Variants in FKBP11 observed in about 807,000 individuals in gnomAD.
FKBP11 encodes peptidyl-prolyl cis-trans isomerase FKBP11.
Under a neutral mutation model 24.7 loss-of-function variants are expected in FKBP11, and 21 were observed. That is an observed-to-expected ratio of 0.85 (90% confidence interval 0.60 to 1.23). The LOEUF (loss-of-function observed/expected upper bound fraction) is 1.23, where lower values mean the gene tolerates loss of function less well. FKBP11 is among the 50% of genes most tolerant of loss of function. FKBP11 has a pLI of 0.00. For synonymous variants in FKBP11, 106 were observed against 100.6 expected, an observed-to-expected ratio of 1.05 and a Z score of -0.32; for missense variants, 245 against 248.7, an observed-to-expected ratio of 0.99 and a Z score of 0.10.
the FKBP11 span, among the ~76,000 whole-genome samples, chr12:48,932,868 T>C: frequency 5.9e-5 from 9 of 152,120 alleles, no homozygotes; most frequent in South Asian, 2.1e-4. Flanking sequence ...TCAATATGCC[T>C]GGTTTGTGAG....
rs1290587161 is a variant in FKBP11 at position 48,925,397 on chromosome 12, T to C, written c.32A>G (p.His11Arg). Residue 11 changes from histidine (H) to arginine (R), a missense_variant, in exon 1 of 6, where the codon CAT (histidine) becomes CGT (arginine). Physicochemically the swap from His to Arg is conservative, Grantham distance 29. Coordinates refer to ENST00000550765, the MANE Select transcript of FKBP11 (RefSeq NM_016594.3). The part of the protein sequence containing the change: MTLRPSLLPL[H>R]LLLLLLLSAA... ...ACTGAGCAGCAGCAGCAGCAGCAGA[T>C]GGAGCGGGAGGAGTGAGGGGCGCAG... 1 of 1,588,164 alleles carries C rather than the reference T, an allele frequency of 6.3e-7. No individual in the cohort carries two copies. Among genetic ancestry groups the C allele is most frequent in the Admixed American group, 1.8e-5 (1 of 54,700 alleles).
chr12:48,933,137 C>T, the FKBP11 span, among the ~76,000 whole-genome samples: 1 of 152,232 alleles, frequency 6.6e-6, no homozygotes, highest in Non-Finnish European at 1.5e-5. Flanking sequence ...CCACTGCCTT[C>T]GGTGGCTTTG....
At chr12:48,927,087 C>T (rs963823350), upstream of FKBP11, among the ~76,000 whole-genome samples, 1 of 152,224 alleles carries the variant, frequency 6.6e-6, no homozygotes, top group Non-Finnish European at 1.5e-5. Context: ...GGATTACAGG[C>T]GTGAGCCAAT....
At chr12:48,938,038 G>C in the FKBP11 span, 1 of 182,730 alleles carries the variant, frequency 5.5e-6, no homozygotes, top group Admixed American at 5.6e-5. Context: ...AGCTCCAGAG[G>C]AACAGATCTG....
intron 2 of FKBP11, 51 bp from the exon 3 acceptor site, chr12:48,924,699 G>A: frequency 6.3e-7 from 1 of 1,595,600 alleles, no homozygotes; most frequent in Non-Finnish European, 8.6e-7. Context: ...CTCCCTCCCA[G>A]CAGGCGCGCA....
chr12:48,922,715 TG>T, intron 5 of FKBP11: 4 of 993,250 alleles, frequency 4.0e-6, no homozygotes, highest in Non-Finnish European at 4.8e-6. Context: ...AAGGGGCAGG[TG>T]GAACAGAAAT....
intron 5 of FKBP11, chr12:48,923,286 T>C: frequency 2.1e-6 from 3 of 1,400,454 alleles, no homozygotes; most frequent in Non-Finnish European, 2.8e-6. Flanking sequence ...AAAATAGACA[T>C]CGGCAGTGAC....
At chr12:48,923,454 G>C in intron 5 of FKBP11, 7 of 1,548,084 alleles carry the variant, frequency 4.5e-6, no homozygotes, top group Non-Finnish European at 6.1e-6. Flanking sequence ...ACAGCGTAGA[G>C]TTGTAGAAAA....
At chr12:48,938,847 C>T in the FKBP11 span, 1 of 1,479,170 alleles carries the variant, frequency 6.8e-7, no homozygotes, top group South Asian at 1.3e-5. Flanking sequence ...TACCCAGGGC[C>T]CTGGCCACAC....
At chr12:48,924,040 A>G in intron 4 of FKBP11, 183 bp downstream of exon 4, 1 of 885,080 alleles carries the variant, frequency 1.1e-6, no homozygotes. Context: ...TCCCCCGACA[A>G]AAGCAACAGC....
chr12:48,922,051 G>T lies in FKBP11; in HGVS notation c.539C>A (p.Ala180Asp), dbSNP rs1452479794. 6.2e-7 allele frequency: 1 copy of T among 1,613,590 alleles called. No homozygotes were observed. The highest frequency in any genetic ancestry group is 1.6e-4 in the Middle Eastern group (1 of 6,084). The part of the protein sequence containing the change: ...GLIGYHLYRK[A>D]NRPKVSKKKL... Reference sequence around the variant, plus strand: ...CTTTTTGGAGACTTTGGGTCTATTGGCCTTTCTGTATAGGTGATACCCAAT... The same window carrying T: ...CTTTTTGGAGACTTTGGGTCTATTGTCCTTTCTGTATAGGTGATACCCAAT... The change falls in exon 6 of 6, where the codon GCC (alanine) becomes GAC (aspartate). Residue 180 changes from alanine (A) to aspartate (D), a missense_variant. By Grantham distance (126) the Ala-to-Asp change is moderately radical. Transcript: ENST00000550765.
At chr12:48,931,327 A>C (rs186844792), upstream of FKBP11, 529 of 1,191,554 alleles carry the variant, frequency 4.4e-4, 4 homozygotes, top group East Asian at 6.3e-3. Context: ...CTGTTCAGGA[A>C]CCTGAAGGGG....
chr12:48,938,275 G>A, the FKBP11 span: 3 of 407,636 alleles, frequency 7.4e-6, no homozygotes, highest in Non-Finnish European at 1.5e-5. Context: ...TACCTGCAGA[G>A]AGGAGGGTAA....
chr12:48,924,807 C>T (rs770341808), intron 2 of FKBP11, 159 bp from the exon 3 acceptor site: 4 of 1,454,042 alleles, frequency 2.8e-6, no homozygotes, highest in Non-Finnish European at 3.6e-6. Context: ...AGAAGGCTGG[C>T]GCTTCTCGGA....
upstream of FKBP11, chr12:48,926,320 C>T (rs1253566423): frequency 1.3e-5 from 2 of 149,726 alleles, no homozygotes; most frequent in Non-Finnish European, 3.0e-5. Flanking sequence ...CCTCCGCCTC[C>T]CAGGTTCAAG....
chr12:48,924,743 C>A, intron 2 of FKBP11, 95 bp from the exon 3 acceptor site: 1 of 1,565,578 alleles, frequency 6.4e-7, no homozygotes. Context: ...GCGGCAGCCC[C>A]CTTAGTGCGG....
upstream of FKBP11, among the ~76,000 whole-genome samples, chr12:48,930,909 A>T (rs1940040483): frequency 6.6e-6 from 1 of 152,044 alleles, no homozygotes; most frequent in African/African-American, 2.4e-5. Flanking sequence ...CGGGCGGATC[A>T]CGAGGTCAGG....
At chr12:48,933,523 G>A in the FKBP11 span, among the ~76,000 whole-genome samples, 1 of 152,124 alleles carries the variant, frequency 6.6e-6, no homozygotes, top group South Asian at 2.1e-4. Context: ...CCAACATGGT[G>A]AAACCCCATC....
chr12:48,922,007 G>A lies in FKBP11; in HGVS notation c.583C>T (p.Arg195Ter), dbSNP rs182380952. The change falls in exon 6 of 6, where the codon CGA becomes TGA. Residue 195 changes from arginine to a stop codon, truncating the protein, a stop_gained. Transcript: ENST00000550765. LOFTEE classifies it high-confidence loss of function. The part of the protein sequence containing the change: ...VSKKKLKEEK[R>*]NKSKKK ...TATTATTTCTTTTTGCTCTTGTTTC[G>A]TTTCTCTTCCTTGAGCTTCTTTTTG... 4.3e-5 allele frequency: 69 copies of A among 1,600,966 alleles called. No homozygotes were observed. The East Asian group carries it at 7.0e-4, about 16-fold the overall frequency.
Sources: allele counts gnomAD v4.1 joint callset (sites outside exome capture counted in the v4.1 genomes callset), GRCh38; gene constraint gnomAD v4.1.1; transcripts MANE v1.5; gene names NCBI Gene and HGNC (gene_info 2026-07-23, HGNC 2026-07-21).